Variants in PIK3CA observed in about 807,000 individuals in gnomAD.
The protein encoded by PIK3CA is phosphatidylinositol-4,5-bisphosphate 3-kinase catalytic subunit alpha, also known as phosphatidylinositol 4,5-bisphosphate 3-kinase catalytic subunit alpha isoform.
In PIK3CA, 27 loss-of-function variants were observed where a neutral mutation model predicts 138.2. The ratio of observed to expected loss-of-function variants is 0.20; its 90% CI spans 0.14 to 0.27. The LOEUF (loss-of-function observed/expected upper bound fraction) is 0.27, where lower values mean the gene tolerates loss of function less well. Among genes scored for constraint, PIK3CA ranks in the 10% least tolerant of loss-of-function variants. The probability of loss-of-function intolerance (pLI) is 1.00; values close to 1 mark genes in which losing one functional copy is unlikely to be tolerated. For missense variants in PIK3CA, 544 were observed against 1,277.4 expected, an observed-to-expected ratio of 0.43 and a Z score of 8.75; for synonymous variants, 358 against 413.2, an observed-to-expected ratio of 0.87 and a Z score of 1.62.
chr3:179,217,102 G>A (rs1158687714), intron 9 of PIK3CA, among the ~76,000 whole-genome samples: 1 of 152,086 alleles, frequency 6.6e-6, no homozygotes, highest in Non-Finnish European at 1.5e-5. Context: ...AGGCTCACTG[G>A]CTTTATTCCT....
Position 179,218,348 on chromosome 3 carries a change from T to A in PIK3CA, c.1664+14T>A. 1 of 1,592,422 alleles carries A rather than the reference T, an allele frequency of 6.3e-7. No homozygotes were observed. Among genetic ancestry groups the A allele is most frequent in the Non-Finnish European group, 8.5e-7 (1 of 1,169,778 alleles). ...ATGGAGTCACAGGTAAGTGCTAAAA[T>A]GGAGATTCTCTGTTTCTTTTTCTTT... On this transcript the variant is annotated intron_variant, in intron 10 of 20. Transcript: ENST00000263967.
intron 18 of PIK3CA, 99 bp downstream of exon 18, chr3:179,229,541 A>G (rs779000795): frequency 2.5e-6 from 2 of 790,668 alleles, no homozygotes; most frequent in African/African-American, 1.8e-5. Context: ...AGAGAAAACA[A>G]TTGTACTTTC....
rs1256282767 is a variant in PIK3CA, at chr3:179,239,994, A to G, written c.*5630A>G. Reference sequence around the variant, plus strand: ...AGCAAGAAGTTTGGCCTGTGACTGCACTTACTGTTTATGCTCATCAGAAAC... The same window carrying G: ...AGCAAGAAGTTTGGCCTGTGACTGCGCTTACTGTTTATGCTCATCAGAAAC... On this transcript the variant is annotated 3_prime_UTR_variant, in exon 21 of 21. Transcript: ENST00000263967. 18 of 1,540,844 alleles carry G rather than the reference A, an allele frequency of 1.2e-5. 1 individual carries two copies. The East Asian group carries it at 3.9e-4, about 34-fold the overall frequency.
intron 1 of PIK3CA, among the ~76,000 whole-genome samples, chr3:179,150,782 ATAAAG>A (rs1223966553): frequency 6.6e-6 from 1 of 152,248 alleles, no homozygotes; most frequent in African/African-American, 2.4e-5. Flanking sequence ...AATGCACAAC[ATAAAG>A]TAGACTGTAA....
At chr3:179,189,867 C>G (rs759496893) in intron 1 of PIK3CA, among the ~76,000 whole-genome samples, 1 of 152,140 alleles carries the variant, frequency 6.6e-6, no homozygotes, top group Non-Finnish European at 1.5e-5. Context: ...TGTTTTCTCA[C>G]GGCCAGCTTT....
chr3:179,169,570 A>G (rs1723499760), intron 1 of PIK3CA, among the ~76,000 whole-genome samples: 1 of 152,272 alleles, frequency 6.6e-6, no homozygotes, highest in Non-Finnish European at 1.5e-5. Flanking sequence ...CTATTAAATA[A>G]TCTGTCCTAA....
At chr3:179,165,766 A>G (rs187112550) in intron 1 of PIK3CA, among the ~76,000 whole-genome samples, 3 of 152,236 alleles carry the variant, frequency 2.0e-5, no homozygotes, top group South Asian at 2.1e-4. Context: ...GAACTGCTAC[A>G]TGCTCACCTA....
chr3:179,183,198 A>G (rs923693584), intron 1 of PIK3CA, among the ~76,000 whole-genome samples: 1 of 152,250 alleles, frequency 6.6e-6, no homozygotes, highest in Non-Finnish European at 1.5e-5. Flanking sequence ...TTTCATTATT[A>G]CTAACATAAT....
intron 20 of PIK3CA, among the ~76,000 whole-genome samples, chr3:179,233,067 C>T (rs1291161715): frequency 6.6e-6 from 1 of 152,088 alleles, no homozygotes; most frequent in African/African-American, 2.4e-5. Flanking sequence ...CTTTGTTGGC[C>T]AGGCTGGTCT....
rs1725336633 is a variant in PIK3CA at position 179,236,550 on chromosome 3, T to C, written c.*2186T>C. ...CTGAAGATTTAACAGAGAACTGTGT[T>C]TTACCCGAGTGCCAAAAATGCTGTG... On this transcript the variant is annotated 3_prime_UTR_variant, in exon 21 of 21. Coordinates refer to ENST00000263967, the MANE Select transcript of PIK3CA (RefSeq NM_006218.4). 4.5e-6 allele frequency: 1 copy of C among 223,476 alleles called. No individual in the cohort carries two copies. Among genetic ancestry groups the C allele is most frequent in the East Asian group, 6.6e-5 (1 of 15,260 alleles). 13.8% of individuals were successfully genotyped at this position (223,476 alleles called of 1,614,324 possible). A position where few individuals can be genotyped will look rare whatever the true frequency, so the allele number is the denominator to read the frequency against.
At chr3:179,159,595 A>G (rs1001188579) in intron 1 of PIK3CA, among the ~76,000 whole-genome samples, 1 of 152,200 alleles carries the variant, frequency 6.6e-6, no homozygotes, top group Non-Finnish European at 1.5e-5. Context: ...CCCACATCAA[A>G]TTAATACAGT....
At chr3:179,190,649 TC>T (rs1172390506) in intron 1 of PIK3CA, among the ~76,000 whole-genome samples, 3 of 152,082 alleles carry the variant, frequency 2.0e-5, no homozygotes, top group African/African-American at 7.2e-5. Flanking sequence ...TTTCTCTCTC[TC>T]TCTCGTTAAT....
At chr3:179,164,271 CAT>C (rs1205720706) in intron 1 of PIK3CA, among the ~76,000 whole-genome samples, 1 of 152,136 alleles carries the variant, frequency 6.6e-6, no homozygotes, top group African/African-American at 2.4e-5. Flanking sequence ...TTTCATCATT[CAT>C]CTGTGCACCG....
intron 1 of PIK3CA, among the ~76,000 whole-genome samples, chr3:179,173,055 G>A (rs115605527): frequency 0.036 from 5,450 of 151,920 alleles, 111 homozygotes; most frequent in Non-Finnish European, 0.041. Context: ...TGGACAATTG[G>A]TATATCCTAT....
At chr3:179,180,452 G>A (rs1723813074) in intron 1 of PIK3CA, among the ~76,000 whole-genome samples, 1 of 152,014 alleles carries the variant, frequency 6.6e-6, no homozygotes, top group African/African-American at 2.4e-5. Flanking sequence ...AGCTGCTAGT[G>A]TCTTAATAGA....
intron 1 of PIK3CA, among the ~76,000 whole-genome samples, chr3:179,168,634 ATCTT>A (rs1723476040): frequency 6.6e-6 from 1 of 152,090 alleles, no homozygotes; most frequent in Admixed American, 6.6e-5. Context: ...TTTATTGTAT[ATCTT>A]TTTCACCCTT....
intron 1 of PIK3CA, among the ~76,000 whole-genome samples, chr3:179,193,774 A>G (rs971300787): frequency 3.3e-5 from 5 of 152,236 alleles, no homozygotes; most frequent in African/African-American, 1.2e-4. Context: ...TCCAGATAGT[A>G]GTGATTTGTC....
intron 20 of PIK3CA, chr3:179,233,496 T>A: frequency 2.5e-6 from 1 of 393,756 alleles, no homozygotes; most frequent in Non-Finnish European, 4.5e-6. Flanking sequence ...TTGAGCTAAT[T>A]AAGGCCTAAA....
rs45455192 is a variant in PIK3CA at position 179,218,155 on chromosome 3, C to T, written c.1540-55C>T. On this transcript the variant is annotated intron_variant, in intron 9 of 20. Coordinates refer to ENST00000263967, the MANE Select transcript of PIK3CA (RefSeq NM_006218.4). Reference sequence around the variant, plus strand: ...TTTTTCTGTAAATCATCTGTGAATCCAGAGGGGAAAAATATGACAAAGAAA... The same window carrying T: ...TTTTTCTGTAAATCATCTGTGAATCTAGAGGGGAAAAATATGACAAAGAAA... The T allele has an allele frequency of 0.056, 76,780 of 1,374,562 alleles. 2,574 individuals carry two copies. The highest frequency in any genetic ancestry group is 0.12 in the Middle Eastern group (447 of 3,796). The allele number at this position is 1,374,562 out of a possible 1,614,324, so 85.1% of individuals were successfully genotyped here.
Sources: allele counts gnomAD v4.1 joint callset (sites outside exome capture counted in the v4.1 genomes callset), GRCh38; gene constraint gnomAD v4.1.1; transcripts MANE v1.5; gene names NCBI Gene and HGNC (gene_info 2026-07-23, HGNC 2026-07-21).